The following DPP10 variants were observed in gnomAD, a reference collection of about 807,000 sequenced individuals.
The protein encoded by DPP10 is inactive dipeptidyl peptidase 10.
Under a neutral mutation model 120.9 loss-of-function variants are expected in DPP10, and 33 were observed. That is an observed-to-expected ratio of 0.27 (90% CI 0.21 to 0.37). The LOEUF is 0.37. Ranked by LOEUF, DPP10 falls within the 10% of genes least tolerant of loss-of-function variation. The pLI is 1.00. For synonymous variants in DPP10, 337 were observed against 326.1 expected (o/e 1.03, Z -0.36); for missense variants, 816 against 942.8 (o/e 0.87, Z 1.76).
chr2:114,719,989 G>A (rs1701600977), intron 1 of DPP10, among the ~76,000 whole-genome samples: 1 of 152,198 alleles, frequency 6.6e-6, no homozygotes, highest in Admixed American at 6.5e-5. Context: ...CTTTCTTCCT[G>A]CGATTTGAGT....
In DPP10 at chr2:115,188,061, AAGAG is replaced by A. The variant is rs59672278; in HGVS notation, c.61-121157_61-121154del. On this transcript the variant is annotated intron_variant, in intron 1 of 25. Coordinates refer to ENST00000410059, the MANE Select transcript of DPP10 (RefSeq NM_020868.6). Reference sequence around the variant, plus strand: ...AGAGAGAGAGGGAGAGAGAGAGGCAAAGAGAGAGAGAGAGAGAGAGAGAGCGCAC... The same window carrying A: ...AGAGAGAGAGGGAGAGAGAGAGGCAAAGAGAGAGAGAGAGAGAGAGCGCAC... 4.0e-3 allele frequency among the ~76,000 whole-genome samples: 585 copies of A among 147,032 alleles called. 3 individuals carry two copies. Among genetic ancestry groups the A allele is most frequent in the African/African-American group, 0.011 (459 of 40,042 alleles).
intron 1 of DPP10, among the ~76,000 whole-genome samples, chr2:115,173,313 G>A: frequency 6.6e-6 from 1 of 152,096 alleles, no homozygotes; most frequent in East Asian, 1.9e-4. Context: ...GCTTCACATT[G>A]CTTATTGGTC....
intron 1 of DPP10, among the ~76,000 whole-genome samples, chr2:115,084,092 A>C (rs765529078): frequency 8.5e-5 from 13 of 152,276 alleles, no homozygotes; most frequent in Admixed American, 2.6e-4. Flanking sequence ...TATCAATATG[A>C]ATACGAAACC....
At chr2:114,962,053 C>T (rs1158251778) in intron 1 of DPP10, among the ~76,000 whole-genome samples, 1 of 152,140 alleles carries the variant, frequency 6.6e-6, no homozygotes, top group African/African-American at 2.4e-5. Context: ...GCTGCTGCTA[C>T]AAATACTATC....
intron 1 of DPP10, among the ~76,000 whole-genome samples, chr2:114,870,831 A>C (rs1690633938): frequency 1.5e-5 from 2 of 135,612 alleles, no homozygotes; most frequent in African/African-American, 2.6e-5. Context: ...TTAACAGAGA[A>C]CGTCCATCGG....
chr2:114,881,453 G>GTCTATCTATCTATCTATCTA (rs767939067), intron 1 of DPP10, among the ~76,000 whole-genome samples: 3 of 44,848 alleles, frequency 6.7e-5, no homozygotes, highest in African/African-American at 1.9e-4. Flanking sequence ...CTGTCTGTCT[G>GTCTATCTATCTATCTATCTA]TCTGTCTATC....
At chr2:114,972,355 G>T (rs17043859) in intron 1 of DPP10, among the ~76,000 whole-genome samples, 1 of 152,000 alleles carries the variant, frequency 6.6e-6, no homozygotes, top group East Asian at 1.9e-4. Context: ...TGGCCTCAGT[G>T]GTTTATAATT....
intron 17 of DPP10, among the ~76,000 whole-genome samples, chr2:115,783,994 A>T (rs1979032): frequency 0.026 from 3,914 of 152,258 alleles, 161 homozygotes; most frequent in African/African-American, 0.089. Flanking sequence ...ATGATTAAAA[A>T]TTTTCCAATC....
chr2:115,575,370 C>G (rs2081590400), intron 5 of DPP10, among the ~76,000 whole-genome samples: 1 of 152,172 alleles, frequency 6.6e-6, no homozygotes, highest in African/African-American at 2.4e-5. Context: ...AAAAGGATTT[C>G]AAGTGTGAGG....
rs1251534443 is a variant in DPP10, at chr2:115,170,277, A to G, written c.61-138962A>G. Among the ~76,000 whole-genome samples, 5 of 152,222 alleles carry G rather than the reference A, an allele frequency of 3.3e-5. 1 individual carries two copies. The highest frequency in any genetic ancestry group is 1.2e-4 in the African/African-American group (5 of 41,464). On this transcript the variant is annotated intron_variant, in intron 1 of 25. Transcript: ENST00000410059. Reference sequence around the variant, plus strand: ...TCTTTTTTTTCACTTCACATGTTTTAAAACAAGTACTAGAAGTCTTTCATA... The same window carrying G: ...TCTTTTTTTTCACTTCACATGTTTTGAAACAAGTACTAGAAGTCTTTCATA...
At chr2:114,923,685 CTCGATCTCCTG>C (rs1324082170) in intron 1 of DPP10, among the ~76,000 whole-genome samples, 1 of 146,610 alleles carries the variant, frequency 6.8e-6, no homozygotes, top group Non-Finnish European at 1.5e-5. Flanking sequence ...TCACTGTGGT[CTCGATCTCCTG>C]ACCTCATGAT....
rs13419488 is a variant in DPP10 at position 114,970,338 on chromosome 2, G to A, written c.61-338901G>A. On this transcript the variant is annotated intron_variant, in intron 1 of 25. Coordinates refer to ENST00000410059, the MANE Select transcript of DPP10 (RefSeq NM_020868.6). ...AGCACATAGGTTTACTGGTCAAAGC[G>A]ATATTTTAGCAGCTCTGATTCTATG... Among the ~76,000 whole-genome samples, 483 of 152,200 alleles carry A rather than the reference G, an allele frequency of 3.2e-3. 1 individual carries two copies. The highest frequency in any genetic ancestry group is 0.011 in the African/African-American group (465 of 41,536).
At chr2:115,803,930 A>C (rs893685055) in intron 19 of DPP10, among the ~76,000 whole-genome samples, 31 of 152,094 alleles carry the variant, frequency 2.0e-4, no homozygotes, top group Non-Finnish European at 1.0e-4. Context: ...CTTCTCGAGC[A>C]GTATCTTTGT....
chr2:115,310,469 A>G (rs1300871075), intron 2 of DPP10, among the ~76,000 whole-genome samples: 1 of 152,170 alleles, frequency 6.6e-6, no homozygotes, highest in African/African-American at 2.4e-5. Flanking sequence ...TGAAATAAAT[A>G]AACTGCCAAA....
At chr2:115,593,480 G>A (rs538549439) in intron 5 of DPP10, among the ~76,000 whole-genome samples, 2 of 152,208 alleles carry the variant, frequency 1.3e-5, no homozygotes, top group Admixed American at 6.5e-5. Flanking sequence ...TTTTACTGAC[G>A]TTTAAGTTGT....
At chr2:115,282,590 G>A (rs1287954695) in intron 1 of DPP10, among the ~76,000 whole-genome samples, 1 of 152,012 alleles carries the variant, frequency 6.6e-6, no homozygotes, top group African/African-American at 2.4e-5. Context: ...GGTGTTTACA[G>A]CCAAGCAGTT....
chr2:115,558,082 G>T (rs941268662), intron 5 of DPP10, among the ~76,000 whole-genome samples: 1 of 152,106 alleles, frequency 6.6e-6, no homozygotes, highest in Admixed American at 6.5e-5. Flanking sequence ...GTGTGTTTAT[G>T]TGTGTTCTCT....
chr2:115,719,203 A>G (rs2092581661), intron 7 of DPP10, among the ~76,000 whole-genome samples: 1 of 152,196 alleles, frequency 6.6e-6, no homozygotes, highest in Admixed American at 6.5e-5. Context: ...TCTCCTAAAA[A>G]GCGTGGATTA....
At chr2:114,508,363 T>C (rs1293482882) in intron 1 of DPP10, among the ~76,000 whole-genome samples, 1 of 152,234 alleles carries the variant, frequency 6.6e-6, no homozygotes, top group Non-Finnish European at 1.5e-5. Context: ...TATAGTTTTT[T>C]ACATTCGATT....
Sources: allele counts gnomAD v4.1 joint callset (sites outside exome capture counted in the v4.1 genomes callset), GRCh38; gene constraint gnomAD v4.1.1; transcripts MANE v1.5; gene names NCBI Gene and HGNC (gene_info 2026-07-23, HGNC 2026-07-21).